The following CCAR1 variants were observed in gnomAD, a reference collection of about 807,000 sequenced individuals.
CCAR1 encodes cell division cycle and apoptosis regulator 1, also known as cell division cycle and apoptosis regulator protein 1.
CCAR1 carries 78 observed loss-of-function variants against 163.8 expected under a neutral mutation model. The ratio of observed to expected loss-of-function variants is 0.48; its 90% CI spans 0.40 to 0.57. CCAR1 has a LOEUF of 0.57. Among genes scored for constraint, CCAR1 ranks in the 20% least tolerant of loss-of-function variants. CCAR1 has a pLI of 0.00. For synonymous variants in CCAR1, 443 were observed against 460.7 expected, an observed-to-expected ratio of 0.96 and a Z score of 0.49; for missense variants, 1,019 against 1,365.2, an observed-to-expected ratio of 0.75 and a Z score of 4.00.
intron 16 of CCAR1, among the ~76,000 whole-genome samples, chr10:68,764,721 C>T (rs1470937958): frequency 6.6e-6 from 1 of 152,132 alleles, no homozygotes; most frequent in African/African-American, 2.4e-5. Flanking sequence ...CATGATCTAT[C>T]TACCAATCAG....
chr10:68,780,741 CTGTT>C (rs1453428719), intron 19 of CCAR1, among the ~76,000 whole-genome samples: 4 of 152,104 alleles, frequency 2.6e-5, no homozygotes, highest in African/African-American at 4.8e-5. Flanking sequence ...ATTACTATGT[CTGTT>C]TTGGTGATCT....
At chr10:68,744,967 C>T (rs1046430772) in intron 6 of CCAR1, among the ~76,000 whole-genome samples, 3 of 151,704 alleles carry the variant, frequency 2.0e-5, no homozygotes, top group African/African-American at 4.8e-5. Flanking sequence ...GGCCATCAGG[C>T]GTGTACCACC....
intron 2 of CCAR1, among the ~76,000 whole-genome samples, chr10:68,734,256 G>A (rs1266574897): frequency 6.6e-6 from 1 of 151,970 alleles, no homozygotes. Context: ...ATAGTTATAA[G>A]GCAGCATTTT....
intron 4 of CCAR1, among the ~76,000 whole-genome samples, chr10:68,740,084 A>T (rs1181659468): frequency 6.6e-6 from 1 of 152,172 alleles, no homozygotes; most frequent in Non-Finnish European, 1.5e-5. Context: ...GGATATATCT[A>T]TGAATTGGAT....
intron 11 of CCAR1, 24 bp from the exon 12 acceptor site, chr10:68,754,690 G>A (rs762139675): frequency 1.3e-5 from 16 of 1,220,960 alleles, no homozygotes; most frequent in Admixed American, 9.1e-5. Flanking sequence ...CTTTTGACAG[G>A]ATTGAATTAT....
chr10:68,746,004 G>T (rs201125960), intron 6 of CCAR1, among the ~76,000 whole-genome samples: 2 of 149,372 alleles, frequency 1.3e-5, no homozygotes, highest in African/African-American at 4.9e-5. Context: ...ATGGAGTCTC[G>T]CTCTGTCGCC....
In CCAR1 at chr10:68,786,548, A is replaced by G. The variant is rs767675527; in HGVS notation, c.2736A>G (p.Glu912=). 18 of 1,554,946 alleles carry G rather than the reference A, an allele frequency of 1.2e-5. No homozygotes were observed. In the South Asian group the frequency reaches 2.2e-4, roughly 19 times the overall value. ...YCKERPSKDK[E]KEKTQMITIN... ...TTTCTACTTCTCCATTTTCTTAGGAAAAAGAAAAGACTCAAATGATCACAA... is the reference window on the plus strand; with the variant it reads ...TTTCTACTTCTCCATTTTCTTAGGAGAAAGAAAAGACTCAAATGATCACAA... The change falls in exon 21 of 25, where the codon GAA becomes GAG. Residue 912 remains glutamate, a splice_region_variant and synonymous_variant. Transcript: ENST00000265872.
chr10:68,773,095 A>C lies in CCAR1; in HGVS notation c.2646A>C (p.Glu882Asp). The C allele has an allele frequency of 6.8e-7, 1 of 1,469,742 alleles. No individual in the cohort carries two copies. Among genetic ancestry groups the C allele is most frequent in the South Asian group, 1.2e-5 (1 of 80,074 alleles). 91.0% of individuals were successfully genotyped at this position (1,469,742 alleles called of 1,614,324 possible). A position where few individuals can be genotyped will look rare whatever the true frequency, so the allele number is the denominator to read the frequency against. The change falls in exon 19 of 25, where the codon GAA (glutamate) becomes GAC (aspartate). Residue 882 changes from glutamate to aspartate, a missense_variant. By Grantham distance (45) the Glu-to-Asp change is conservative (BLOSUM62 2). This residue lies in a region of CCAR1 where 358 missense variants were observed against 406.4 expected (regional missense o/e 0.88). Coordinates refer to ENST00000265872, the MANE Select transcript of CCAR1 (RefSeq NM_018237.4). ...AAGCAGAAGAAGCTGAGGATGAAGA[A>C]GATGGTATGATTGAAATTTATTTAT... ...PMEAEEAEDE[E>D]DDRDEEEMTK...
chr10:68,758,631 GTATA>G (rs2056428263), intron 15 of CCAR1, among the ~76,000 whole-genome samples: 1 of 35,454 alleles, frequency 2.8e-5, no homozygotes, highest in African/African-American at 7.1e-5. Context: ...ATATATATAT[GTATA>G]TATACACACG....
chr10:68,729,394 C>G (rs1205787978), intron 2 of CCAR1, among the ~76,000 whole-genome samples: 1 of 151,310 alleles, frequency 6.6e-6, no homozygotes, highest in Non-Finnish European at 1.5e-5. Flanking sequence ...CTCAGCCTCC[C>G]GAGTAGCTGG....
Position 68,753,844 on chromosome 10 carries a change from T to C in CCAR1, c.1119-8T>C, listed in dbSNP as rs767926263. The C allele has an allele frequency of 1.2e-5, 19 of 1,598,888 alleles. No homozygotes were observed. Among genetic ancestry groups the C allele is most frequent in the Admixed American group, 1.0e-4 (6 of 59,778 alleles). ...GCTATTTATTCACTACTTATGTCTG[T>C]TTTTCAGTCCCAGTTGTGACATGAT... On this transcript the variant is annotated splice_polypyrimidine_tract_variant and splice_region_variant and intron_variant, in intron 10 of 24. Transcript: ENST00000265872.
intron 21 of CCAR1, 50 bp downstream of exon 21, chr10:68,786,742 C>T (rs370187272): frequency 1.8e-4 from 264 of 1,481,396 alleles, no homozygotes; most frequent in Non-Finnish European, 2.3e-4. Flanking sequence ...TAAAAGTTAC[C>T]TTTCCAGTGA....
intron 19 of CCAR1, 38 bp downstream of exon 19, chr10:68,773,137 G>C (rs1044088453): frequency 9.2e-7 from 1 of 1,081,662 alleles, no homozygotes; most frequent in Non-Finnish European, 1.4e-6. Flanking sequence ...TTAGAGTTAA[G>C]AATACATTTT....
chr10:68,791,076 C>G, intron 24 of CCAR1, 131 bp from the exon 25 acceptor site: 1 of 486,520 alleles, frequency 2.1e-6, no homozygotes, highest in Non-Finnish European at 3.6e-6. Flanking sequence ...TTTTAAGATA[C>G]TAAAATTAAT....
At chr10:68,746,302 A>C (rs551125268) in intron 6 of CCAR1, among the ~76,000 whole-genome samples, 12 of 151,198 alleles carry the variant, frequency 7.9e-5, no homozygotes, top group South Asian at 2.1e-4. Context: ...TTTGAGATGG[A>C]GTCTCACTCT....
chr10:68,774,567 G>A (rs1002909961), intron 19 of CCAR1, among the ~76,000 whole-genome samples: 10 of 151,490 alleles, frequency 6.6e-5, no homozygotes, highest in African/African-American at 2.4e-4. Flanking sequence ...GGAGGCAGAG[G>A]TTGCAGCGAG....
chr10:68,724,636 C>T (rs1402159733), intron 2 of CCAR1, among the ~76,000 whole-genome samples: 2 of 151,208 alleles, frequency 1.3e-5, no homozygotes, highest in African/African-American at 4.9e-5. Flanking sequence ...AAAAAAAAAT[C>T]ACCTGGACCT....
intron 10 of CCAR1, among the ~76,000 whole-genome samples, chr10:68,753,545 G>A (rs573002951): frequency 1.2e-4 from 19 of 152,224 alleles, no homozygotes; most frequent in Middle Eastern, 6.8e-3. Flanking sequence ...TTCCAACTGA[G>A]GAAAACCTGC....
chr10:68,777,931 G>A (rs1368218418), intron 19 of CCAR1, among the ~76,000 whole-genome samples: 1 of 151,980 alleles, frequency 6.6e-6, no homozygotes, highest in Non-Finnish European at 1.5e-5. Flanking sequence ...GACCCTGTCT[G>A]AAAAGAAGGC....
Sources: allele counts gnomAD v4.1 joint callset (sites outside exome capture counted in the v4.1 genomes callset), GRCh38; gene constraint gnomAD v4.1.1; regional missense constraint gnomAD v4.1.1; transcripts MANE v1.5; gene names NCBI Gene and HGNC (gene_info 2026-07-23, HGNC 2026-07-21).